Variants in APTX observed in about 807,000 individuals in gnomAD.
APTX encodes aprataxin.
Under a neutral mutation model 42.3 loss-of-function variants are expected in APTX, and 33 were observed. The ratio of observed to expected loss-of-function variants is 0.78; its 90% CI spans 0.59 to 1.04. APTX has a LOEUF of 1.04. Ranked by LOEUF, APTX falls within the 50% of genes least tolerant of loss-of-function variation. The pLI, the probability that APTX is intolerant of heterozygous loss-of-function variation, is 0.00. For synonymous variants in APTX, 130 were observed against 146.7 expected, an observed-to-expected ratio of 0.89 and a Z score of 0.82; for missense variants, 421 against 415.1, an observed-to-expected ratio of 1.01 and a Z score of -0.12.
intron 1 of APTX, among the ~76,000 whole-genome samples, chr9:33,016,542 G>C (rs577401497): frequency 1.1e-3 from 169 of 152,246 alleles, no homozygotes; most frequent in African/African-American, 3.6e-3. Flanking sequence ...AAAGTAAACT[G>C]AATGTACCTC....
chr9:33,024,874 G>A (rs1217409946), intron 1 of APTX: 1 of 94,912 alleles, frequency 1.1e-5, no homozygotes, highest in African/African-American at 3.8e-5. Context: ...GGGGGGGGGG[G>A]GGGCAAGACT....
intron 4 of APTX, among the ~76,000 whole-genome samples, chr9:32,987,307 A>G (rs1832421872): frequency 6.6e-6 from 1 of 152,214 alleles, no homozygotes; most frequent in Non-Finnish European, 1.5e-5. Flanking sequence ...TAGTTGTTCA[A>G]TGTTAAGTAC....
chr9:33,004,929 T>C (rs779657675), upstream of APTX, among the ~76,000 whole-genome samples: 1 of 151,996 alleles, frequency 6.6e-6, no homozygotes, highest in African/African-American at 2.4e-5. Context: ...TGTGAGCCAC[T>C]GCGCCCGGCC....
At chr9:33,000,416 C>G (rs1203916962) in intron 1 of APTX, among the ~76,000 whole-genome samples, 2 of 151,866 alleles carry the variant, frequency 1.3e-5, no homozygotes, top group African/African-American at 2.4e-5. Flanking sequence ...CACCTGAGGT[C>G]AGGAGTTTGA....
chr9:33,021,127 C>A (rs1838342598), intron 1 of APTX, among the ~76,000 whole-genome samples: 1 of 122,334 alleles, frequency 8.2e-6, no homozygotes, highest in Admixed American at 8.5e-5. Context: ...GAAACTCTGT[C>A]TCAAAAAAAA....
At chr9:33,019,771 G>A (rs951595198) in intron 1 of APTX, 8 of 601,418 alleles carry the variant, frequency 1.3e-5, no homozygotes, top group Non-Finnish European at 2.0e-5. Flanking sequence ...CGAGAAAGTT[G>A]ATAAGGGAAA....
intron 6 of APTX, among the ~76,000 whole-genome samples, chr9:32,976,229 G>T (rs528286930): frequency 6.8e-4 from 104 of 151,950 alleles, no homozygotes; most frequent in South Asian, 1.0e-3. Context: ...GGCCTGTCAG[G>T]GGGGTGGGGG....
chr9:33,006,869 G>A (rs1045526348), intron 1 of APTX, among the ~76,000 whole-genome samples: 4 of 151,684 alleles, frequency 2.6e-5, no homozygotes, highest in Admixed American at 6.6e-5. Flanking sequence ...GCAAGGTGGC[G>A]GGTGCCTGTA....
intron 1 of APTX, among the ~76,000 whole-genome samples, chr9:33,009,358 A>G (rs528506064): frequency 6.6e-6 from 1 of 152,260 alleles, no homozygotes; most frequent in South Asian, 2.1e-4. Flanking sequence ...TACCAGCAAT[A>G]TTGAACTTCC....
chr9:33,020,856 G>A (rs749066999), intron 1 of APTX, among the ~76,000 whole-genome samples: 6 of 152,236 alleles, frequency 3.9e-5, no homozygotes, highest in Non-Finnish European at 5.9e-5. Flanking sequence ...TTGGCCAGGC[G>A]TGGTGGCTCA....
chr9:33,021,446 T>TA lies in APTX; in HGVS notation c.-5+3576dup, dbSNP rs141705764. Among the ~76,000 whole-genome samples the TA allele has an allele frequency of 8.0e-3, 1,213 of 151,902 alleles. 6 individuals carry two copies. Among genetic ancestry groups the TA allele is most frequent in the Non-Finnish European group, 0.012 (823 of 67,940 alleles). The stretch of plus-strand genomic sequence containing the variant: ...AGTTCCTCTGGAAGAATAAACATAT[T>TA]AAAAAAAATACAAGGAATATTCTAA... On this transcript the variant is annotated intron_variant, in intron 1 of 6. Coordinates refer to the APTX transcript ENST00000436040.
chr9:32,995,667 C>T (rs1834679745), intron 1 of APTX, among the ~76,000 whole-genome samples: 1 of 152,126 alleles, frequency 6.6e-6, no homozygotes, highest in Admixed American at 6.5e-5. Flanking sequence ...GCGGGCGGAT[C>T]ACGAGGTCAG....
intron 6 of APTX, 83 bp downstream of exon 6, chr9:32,984,548 A>G (rs1017549861): frequency 2.2e-6 from 3 of 1,393,774 alleles, no homozygotes; most frequent in Admixed American, 1.7e-5. Flanking sequence ...TCAGTGCAAT[A>G]TGTGCCCTCA....
rs568783017 is a variant in APTX, at chr9:32,973,283, C to A, written c.*215G>T. ...GTGGGTCAGGTATATCCCAGCCACC[C>A]TCACCAGAGAATACATCTATGACAA... is the stretch of plus-strand genomic sequence containing the variant. On this transcript the variant is annotated 3_prime_UTR_variant, in exon 8 of 8. Transcript: ENST00000379817. 4.5e-6 allele frequency: 3 copies of A among 660,830 alleles called. No homozygotes were observed. The highest frequency in any genetic ancestry group is 2.1e-5 in the Admixed American group (1 of 48,272). 40.9% of individuals were successfully genotyped at this position (660,830 alleles called of 1,614,324 possible).
intron 1 of APTX, among the ~76,000 whole-genome samples, chr9:33,020,802 C>T (rs550707309): frequency 2.0e-5 from 3 of 152,356 alleles, no homozygotes; most frequent in African/African-American, 4.8e-5. Flanking sequence ...CAGCCATCTC[C>T]AGCTACCTCT....
chr9:33,004,125 T>G (rs183031429), upstream of APTX, among the ~76,000 whole-genome samples: 1 of 152,348 alleles, frequency 6.6e-6, no homozygotes, highest in Admixed American at 6.5e-5. Context: ...TTGAAGCAAC[T>G]TGAATGGAAC....
At chr9:33,021,043 C>A (rs1327317554) in intron 1 of APTX, among the ~76,000 whole-genome samples, 1 of 151,600 alleles carries the variant, frequency 6.6e-6, no homozygotes. Context: ...GCAGGAGAAT[C>A]GCTTGAACCT....
At chr9:32,981,623 C>G (rs1830696371) in intron 6 of APTX, among the ~76,000 whole-genome samples, 1 of 152,010 alleles carries the variant, frequency 6.6e-6, no homozygotes, top group African/African-American at 2.4e-5. Flanking sequence ...ATAAATTGCC[C>G]AAAAGATGTT....
intron 2 of APTX, 155 bp from the exon 3 acceptor site, chr9:32,988,284 G>A: frequency 1.4e-6 from 1 of 708,970 alleles, no homozygotes; most frequent in Non-Finnish European, 2.5e-6. Flanking sequence ...ATTGCAGGTG[G>A]CTGGAGCTCC....
Sources: allele counts gnomAD v4.1 joint callset (sites outside exome capture counted in the v4.1 genomes callset), GRCh38; gene constraint gnomAD v4.1.1; transcripts MANE v1.5; gene names NCBI Gene and HGNC (gene_info 2026-07-23, HGNC 2026-07-21).